Variants in AXDND1 observed in about 807,000 individuals in gnomAD.
AXDND1 encodes the protein axonemal dynein light chain domain containing 1.
In AXDND1, 110 loss-of-function variants were observed where a neutral mutation model predicts 137.5. The observed-to-expected ratio is 0.80, with a 90% CI of 0.69 to 0.94. AXDND1 has a LOEUF of 0.94. Among genes scored for constraint, AXDND1 ranks in the 40% least tolerant of loss-of-function variants. The probability of loss-of-function intolerance (pLI) is 0.00; values close to 1 mark genes in which losing one functional copy is unlikely to be tolerated. For synonymous variants in AXDND1, 414 were observed against 399.7 expected, an observed-to-expected ratio of 1.04 and a Z score of -0.43; for missense variants, 1,191 against 1,169.8, an observed-to-expected ratio of 1.02 and a Z score of -0.26.
chr1:179,469,592 C>T (rs1351010523), intron 17 of AXDND1, among the ~76,000 whole-genome samples: 1 of 152,146 alleles, frequency 6.6e-6, no homozygotes, highest in Non-Finnish European at 1.5e-5. Context: ...GAGGAACTGC[C>T]AGACTGTTTT....
chr1:179,400,923 A>AGG (rs1429222590), intron 11 of AXDND1, among the ~76,000 whole-genome samples: 3 of 133,682 alleles, frequency 2.2e-5, no homozygotes, highest in African/African-American at 8.6e-5. Flanking sequence ...AAAAAAAAAA[A>AGG]AAAAGAAAAA....
At chr1:179,441,247 T>A (rs1211280767) in intron 15 of AXDND1, among the ~76,000 whole-genome samples, 1 of 152,172 alleles carries the variant, frequency 6.6e-6, no homozygotes, top group African/African-American at 2.4e-5. Context: ...TTTTTTCCGT[T>A]GGGTGGGGCA....
chr1:179,494,432 A>G (rs1667244248), intron 20 of AXDND1, among the ~76,000 whole-genome samples: 1 of 150,896 alleles, frequency 6.6e-6, no homozygotes, highest in Non-Finnish European at 1.5e-5. Flanking sequence ...TTTAGTATTG[A>G]TTTGTTTGTT....
chr1:179,526,657 C>A (rs911688565), intron 22 of AXDND1, among the ~76,000 whole-genome samples: 1 of 152,206 alleles, frequency 6.6e-6, no homozygotes, highest in African/African-American at 2.4e-5. Context: ...CTACTCACTG[C>A]ACAGGCAGGA....
At chr1:179,545,826 A>G (rs1672591373) in intron 25 of AXDND1, 1 of 152,134 alleles carries the variant, frequency 6.6e-6, no homozygotes, top group Non-Finnish European at 1.5e-5. Context: ...TGCTGCCACT[A>G]CAATTAGAAT....
At chr1:179,382,916 A>G (rs1045452997) in intron 7 of AXDND1, among the ~76,000 whole-genome samples, 160 bp downstream of exon 7, 1 of 152,192 alleles carries the variant, frequency 6.6e-6, no homozygotes, top group Non-Finnish European at 1.5e-5. Context: ...TCGTTTTTAC[A>G]ATTGTATATT....
chr1:179,387,383 G>A (rs1039962097), intron 9 of AXDND1, among the ~76,000 whole-genome samples: 2 of 152,166 alleles, frequency 1.3e-5, no homozygotes, highest in African/African-American at 4.8e-5. Flanking sequence ...GGGTCCACTT[G>A]TGCGATAATG....
At chr1:179,366,794 ACTC>A (rs142025077) in intron 2 of AXDND1, among the ~76,000 whole-genome samples, 188 bp downstream of exon 2, 69,840 of 151,762 alleles carry the variant, frequency 0.46, 16,181 homozygotes, top group East Asian at 0.52. Flanking sequence ...CTGTTTCACT[ACTC>A]CATCTAAATA....
chr1:179,483,859 CTT>C (rs1421083313), intron 18 of AXDND1, among the ~76,000 whole-genome samples: 1 of 152,086 alleles, frequency 6.6e-6, no homozygotes. Flanking sequence ...CATATTAACT[CTT>C]ATTAATATTT....
intron 19 of AXDND1, among the ~76,000 whole-genome samples, chr1:179,492,236 G>A (rs144685534): frequency 6.6e-6 from 1 of 152,124 alleles, no homozygotes; most frequent in Non-Finnish European, 1.5e-5. Context: ...CACGATGCCT[G>A]GGTAATTTTT....
At chr1:179,482,773 T>C (rs999932465) in intron 17 of AXDND1, among the ~76,000 whole-genome samples, 8 of 151,934 alleles carry the variant, frequency 5.3e-5, no homozygotes, top group Non-Finnish European at 1.2e-4. Context: ...CACACTATCA[T>C]GCTGGAAGTC....
rs5779031 is a variant in AXDND1, at chr1:179,525,477, C to CTACA, written c.2610+57_2610+60dup. 9,376 of 1,473,678 alleles carry CTACA rather than the reference C, an allele frequency of 6.4e-3. 60 individuals are homozygous for CTACA. Among genetic ancestry groups the CTACA allele is most frequent in the African/African-American group, 0.027 (1,872 of 68,938 alleles). 91.3% of individuals were successfully genotyped at this position (1,473,678 alleles called of 1,614,324 possible). A position where few individuals can be genotyped will look rare whatever the true frequency, so the allele number is the denominator to read the frequency against. ...GATTATTTGGTATTTGTTTTTCCTC[C>CTACA]TACATACATACATACATACATACAT... On this transcript the variant is annotated intron_variant, in intron 22 of 25. Coordinates refer to ENST00000367618, the MANE Select transcript of AXDND1 (RefSeq NM_144696.6).
At chr1:179,499,363 A>T (rs1667770257) in intron 20 of AXDND1, among the ~76,000 whole-genome samples, 1 of 114,674 alleles carries the variant, frequency 8.7e-6, no homozygotes, top group Admixed American at 9.2e-5. Flanking sequence ...CCACATATTT[A>T]TTCACATAAA....
At chr1:179,389,683 T>G (rs1054228815) in intron 9 of AXDND1, among the ~76,000 whole-genome samples, 1 of 152,224 alleles carries the variant, frequency 6.6e-6, no homozygotes, top group Non-Finnish European at 1.5e-5. Context: ...TCTTATTGTT[T>G]TTCATCCCTA....
At chr1:179,500,694 A>G (rs1374305999) in intron 20 of AXDND1, among the ~76,000 whole-genome samples, 2 of 152,112 alleles carry the variant, frequency 1.3e-5, no homozygotes, top group Non-Finnish European at 2.9e-5. Context: ...ATTTTTTGAG[A>G]CAGAATCTGG....
Position 179,509,278 on chromosome 1 carries a change from TC to T in AXDND1, c.2389-17del. 2 of 1,544,470 alleles carry T rather than the reference TC, an allele frequency of 1.3e-6. No homozygotes were observed. The highest frequency in any genetic ancestry group is 3.5e-5 in the Admixed American group (2 of 57,070). On this transcript the variant is annotated splice_polypyrimidine_tract_variant and intron_variant, in intron 20 of 25. Transcript: ENST00000367618. ...AATGAGCTGGTTTTTCTGCTTGTAA[TC>T]TTTTATCTCTTCTCAGAAAGAATGT...
chr1:179,393,829 A>G lies in AXDND1; in HGVS notation c.864-74A>G, dbSNP rs912816789. On this transcript the variant is annotated intron_variant, in intron 9 of 25. Coordinates refer to ENST00000367618, the MANE Select transcript of AXDND1 (RefSeq NM_144696.6). The stretch of plus-strand genomic sequence containing the variant: ...ATAGCAGTGCTACTGATTTGTGTAC[A>G]TTGATTTTGTAACCTGAGAATTTAC... 1.2e-5 allele frequency: 17 copies of G among 1,399,482 alleles called. No individual in the cohort carries two copies. In the African/African-American group the frequency reaches 1.8e-4, roughly 15 times the overall value. The allele number at this position is 1,399,482 out of a possible 1,614,324, so 86.7% of individuals were successfully genotyped here. A position where few individuals can be genotyped will look rare whatever the true frequency, so the allele number is the denominator to read the frequency against.
chr1:179,547,884 C>T (rs2125749951), intron 25 of AXDND1, among the ~76,000 whole-genome samples: 1 of 152,258 alleles, frequency 6.6e-6, no homozygotes, highest in African/African-American at 2.4e-5. Flanking sequence ...TCCACTCTGG[C>T]CATCCAAACA....
chr1:179,394,310 T>C (rs1056877973), intron 10 of AXDND1, among the ~76,000 whole-genome samples: 13 of 152,174 alleles, frequency 8.5e-5, no homozygotes, highest in African/African-American at 2.9e-4. Flanking sequence ...TAGATGTTGC[T>C]GGGCATGGTG....
Sources: gnomAD v4.1 joint callset for allele counts (sites outside exome capture counted in the v4.1 genomes callset) on GRCh38, gnomAD v4.1.1 for gene constraint, MANE v1.5 for transcripts, NCBI Gene and HGNC (gene_info 2026-07-23, HGNC 2026-07-21) for gene names.